The following IBTK variants were observed in gnomAD, a reference collection of about 807,000 sequenced individuals.
IBTK encodes the protein inhibitor of Bruton tyrosine kinase, also known as BTK-binding protein.
IBTK carries 83 observed loss-of-function variants against 154.9 expected under a neutral mutation model. The observed-to-expected ratio is 0.54, with a 90% CI of 0.45 to 0.64. IBTK has a LOEUF of 0.64. IBTK is among the 30% of genes least tolerant of loss of function. IBTK has a pLI of 0.00. For missense variants in IBTK, 1,332 were observed against 1,584.6 expected (o/e 0.84, Z 2.71); for synonymous variants, 515 against 536.1 (o/e 0.96, Z 0.54).
chr6:82,184,505 C>T (rs1768468548), intron 25 of IBTK, among the ~76,000 whole-genome samples: 2 of 152,132 alleles, frequency 1.3e-5, no homozygotes, highest in Non-Finnish European at 2.9e-5. Context: ...CCAAGTGAAA[C>T]ATTTAATTTT....
At chr6:82,217,215 G>C (rs1769905081) in intron 10 of IBTK, among the ~76,000 whole-genome samples, 2 of 152,104 alleles carry the variant, frequency 1.3e-5, no homozygotes, top group Admixed American at 1.3e-4. Flanking sequence ...TTCAGTTTCA[G>C]ATCACTAAAT....
chr6:82,173,476 T>A, intron 26 of IBTK, 38 bp from the exon 27 acceptor site: 2 of 1,522,950 alleles, frequency 1.3e-6, no homozygotes, highest in Admixed American at 1.7e-5. Flanking sequence ...TTAAAGCTTC[T>A]AGTAATATTA....
intron 5 of IBTK, among the ~76,000 whole-genome samples, chr6:82,226,684 G>A (rs1253118590): frequency 2.7e-5 from 4 of 150,506 alleles, no homozygotes; most frequent in African/African-American, 7.3e-5. Flanking sequence ...TCGGCTCACC[G>A]CAACCTCCGC....
chr6:82,200,057 T>C (rs960021036), intron 21 of IBTK, 84 bp downstream of exon 21: 9 of 872,832 alleles, frequency 1.0e-5, no homozygotes, highest in Non-Finnish European at 1.3e-5. Flanking sequence ...AAGGACTGTT[T>C]ATTTCAGTAG....
intron 16 of IBTK, chr6:82,210,368 G>A (rs141716394): frequency 3.4e-5 from 5 of 147,770 alleles, no homozygotes; most frequent in Non-Finnish European, 7.4e-5. Context: ...AAATTTGCGT[G>A]TCATTCTTGT....
intron 1 of IBTK, among the ~76,000 whole-genome samples, chr6:82,242,780 A>G (rs1187767905): frequency 6.6e-6 from 1 of 151,644 alleles, no homozygotes; most frequent in East Asian, 1.9e-4. Context: ...CCCCATCTCT[A>G]CTAAAAATAC....
Position 82,171,305 on chromosome 6 carries a change from T to G in IBTK, c.*120A>C, listed in dbSNP as rs1767920633. On this transcript the variant is annotated 3_prime_UTR_variant, in exon 29 of 29. Coordinates refer to ENST00000306270, the MANE Select transcript of IBTK (RefSeq NM_015525.4). The stretch of plus-strand genomic sequence containing the variant: ...TATGATTTAACTGCAGTAAAGAAAT[T>G]ATATCTTTTCTTAATCTATTTAGAA... 1.4e-6 allele frequency: 1 copy of G among 708,748 alleles called. No homozygotes were observed. Among genetic ancestry groups the G allele is most frequent in the Admixed American group, 3.0e-5 (1 of 33,432 alleles). The allele number at this position is 708,748 out of a possible 1,614,324, so 43.9% of individuals were successfully genotyped here. A position where few individuals can be genotyped will look rare whatever the true frequency, so the allele number is the denominator to read the frequency against.
At chr6:82,218,850 A>G (rs946057005) in intron 9 of IBTK, among the ~76,000 whole-genome samples, 1 of 152,372 alleles carries the variant, frequency 6.6e-6, no homozygotes, top group East Asian at 1.9e-4. Context: ...TAAGAAAACT[A>G]GAACACAAAA....
At chr6:82,208,820 A>C (rs969889994) in intron 16 of IBTK, among the ~76,000 whole-genome samples, 8 of 152,196 alleles carry the variant, frequency 5.3e-5, no homozygotes, top group Non-Finnish European at 1.2e-4. Flanking sequence ...AGAAGGAGAG[A>C]AAATACTTGC....
chr6:82,185,955 C>T (rs1768539748), intron 25 of IBTK, among the ~76,000 whole-genome samples: 1 of 152,134 alleles, frequency 6.6e-6, no homozygotes, highest in East Asian at 1.9e-4. Context: ...ATTTTTCTAA[C>T]AATACATGCT....
intron 2 of IBTK, among the ~76,000 whole-genome samples, chr6:82,239,942 T>C (rs1236134395): frequency 1.3e-5 from 2 of 152,340 alleles, no homozygotes; most frequent in South Asian, 2.1e-4. Context: ...AACAGTTCAT[T>C]ATATATAGTA....
intron 25 of IBTK, 96 bp downstream of exon 25, chr6:82,190,977 A>G: frequency 1.2e-6 from 1 of 865,740 alleles, no homozygotes; most frequent in Non-Finnish European, 1.6e-6. Flanking sequence ...AAAAGACTTT[A>G]GAAACACTGG....
At chr6:82,183,860 T>G (rs2132288) in intron 25 of IBTK, among the ~76,000 whole-genome samples, 62,207 of 152,112 alleles carry the variant, frequency 0.41, 13,401 homozygotes, top group East Asian at 0.74. Flanking sequence ...ACTAATGCCA[T>G]TATCACTGAG....
intron 21 of IBTK, 128 bp from the exon 22 acceptor site, chr6:82,196,574 G>T: frequency 2.1e-6 from 1 of 469,016 alleles, no homozygotes. Flanking sequence ...TATATTTATG[G>T]TATAAAAATC....
At position 82,200,178 on chromosome 6, in the gene IBTK, A is replaced by G. The variant is rs781582806; in HGVS notation, c.2988T>C (p.Tyr996=). Residue 996 remains tyrosine, a synonymous_variant, in exon 21 of 29, where the codon TAT becomes TAC. Transcript: ENST00000306270. ...PRKRSDSSGG[Y]NLSDIIQSPS... ...GACTCTGAATAATATCTGAAAGGTT[A>G]TAACCTCCAGAACTATCTGAACGTT... 2.5e-6 allele frequency: 4 copies of G among 1,612,934 alleles called. No individual in the cohort carries two copies. Among genetic ancestry groups the G allele is most frequent in the Admixed American group, 3.3e-5 (2 of 59,868 alleles).
chr6:82,200,050 G>C, intron 21 of IBTK, 91 bp downstream of exon 21: 2 of 814,284 alleles, frequency 2.5e-6, no homozygotes, highest in Non-Finnish European at 4.0e-6. Context: ...CCTCCATAAG[G>C]ACTGTTTATT....
intron 25 of IBTK, among the ~76,000 whole-genome samples, chr6:82,187,061 A>G (rs1198482686): frequency 6.6e-6 from 1 of 151,876 alleles, no homozygotes; most frequent in Non-Finnish European, 1.5e-5. Flanking sequence ...GATTACAGGC[A>G]TGCAACACCA....
chr6:82,201,954 G>A (rs1441606401), intron 18 of IBTK, among the ~76,000 whole-genome samples: 2 of 152,036 alleles, frequency 1.3e-5, no homozygotes, highest in Admixed American at 6.6e-5. Context: ...TTGAACTCCT[G>A]ACCTCAGGCG....
chr6:82,206,791 T>C (rs979001017), intron 16 of IBTK, among the ~76,000 whole-genome samples: 2 of 151,960 alleles, frequency 1.3e-5, no homozygotes, highest in Non-Finnish European at 2.9e-5. Flanking sequence ...ATTCAACATA[T>C]GAAAAATCAA....
Sources: allele counts gnomAD v4.1 joint callset (sites outside exome capture counted in the v4.1 genomes callset), GRCh38; gene constraint gnomAD v4.1.1; transcripts MANE v1.5; gene names NCBI Gene and HGNC (gene_info 2026-07-23, HGNC 2026-07-21).